CRADD: variants seen among roughly 807,000 people sequenced by gnomAD.
CRADD encodes death domain-containing protein CRADD.
CRADD carries 9 observed loss-of-function variants against 15.5 expected under a neutral mutation model. That is an observed-to-expected ratio of 0.58 (90% CI 0.35 to 1.01). CRADD has a LOEUF of 1.01. CRADD is among the 50% of genes least tolerant of loss of function. CRADD has a pLI of 0.02. For synonymous variants in CRADD, 118 were observed against 107.6 expected (o/e 1.10, Z -0.60); for missense variants, 227 against 250.3 (o/e 0.91, Z 0.63).
chr12:93,769,706 C>G (rs1227718365), intron 2 of CRADD, among the ~76,000 whole-genome samples: 4 of 152,122 alleles, frequency 2.6e-5, no homozygotes, highest in Non-Finnish European at 5.9e-5. Flanking sequence ...TTGTTATAGT[C>G]TCTTGTGATT....
chr12:93,863,397 A>G (rs978523032), intron 2 of CRADD, among the ~76,000 whole-genome samples: 4 of 152,166 alleles, frequency 2.6e-5, no homozygotes, highest in South Asian at 2.1e-4. Context: ...TGCCTCCCCA[A>G]CTAAGCTGCT....
chr12:93,877,065 T>A (rs1223058266), intron 2 of CRADD, among the ~76,000 whole-genome samples: 1 of 152,212 alleles, frequency 6.6e-6, no homozygotes, highest in Non-Finnish European at 1.5e-5. Flanking sequence ...TCTTGTAGAC[T>A]CATAGAAGTA....
intron 2 of CRADD, chr12:93,826,966 G>A (rs1957830994): frequency 6.6e-6 from 1 of 152,192 alleles, no homozygotes; most frequent in South Asian, 2.1e-4. Context: ...TGGCCATCCT[G>A]CAGTATTCTG....
intron 2 of CRADD, among the ~76,000 whole-genome samples, chr12:93,688,879 G>A (rs1203108515): frequency 6.6e-6 from 1 of 152,142 alleles, no homozygotes; most frequent in Non-Finnish European, 1.5e-5. Flanking sequence ...TTCTTCTTCA[G>A]AAACTCCCCT....
chr12:93,747,166 G>A lies in CRADD; in HGVS notation c.298+68094G>A, dbSNP rs75791874. Among the ~76,000 whole-genome samples the A allele has an allele frequency of 7.9e-3, 1,197 of 152,162 alleles. 25 individuals are homozygous for A. The highest frequency in any genetic ancestry group is 0.027 in the African/African-American group (1,133 of 41,502). ...ATGTAATGTTATTTTATGGAAAAAC[G>A]TATTGAATTCCTATTAAGGAAGCCA... is the stretch of plus-strand genomic sequence containing the variant. On this transcript the variant is annotated intron_variant, in intron 2 of 2. Coordinates refer to ENST00000332896, the MANE Select transcript of CRADD (RefSeq NM_003805.5).
intron 2 of CRADD, among the ~76,000 whole-genome samples, chr12:93,699,134 T>C (rs1160380449): frequency 6.6e-6 from 1 of 152,232 alleles, no homozygotes; most frequent in African/African-American, 2.4e-5. Context: ...GGTGCCTAAC[T>C]GAGTGCTGGA....
Position 93,766,880 on chromosome 12 carries a change from G to T in CRADD, c.299-83090G>T, listed in dbSNP as rs181589693. On this transcript the variant is annotated intron_variant, in intron 2 of 2. Coordinates refer to ENST00000332896, the MANE Select transcript of CRADD (RefSeq NM_003805.5). ...TGCCCAGAACACTGTAGAAGAAGAT[G>T]TGTTGATTAAAGGAATGAAACTTTC... Among the ~76,000 whole-genome samples, 7 of 152,338 alleles carry T rather than the reference G, an allele frequency of 4.6e-5. No homozygotes were observed. The East Asian group carries it at 1.4e-3, about 29-fold the overall frequency.
intron 2 of CRADD, among the ~76,000 whole-genome samples, chr12:93,813,665 G>A (rs1309272167): frequency 6.6e-6 from 1 of 152,102 alleles, no homozygotes; most frequent in African/African-American, 2.4e-5. Context: ...GAGGGCCTCG[G>A]TGGTCCAAGT....
At chr12:93,800,737 C>T (rs530771285) in intron 2 of CRADD, among the ~76,000 whole-genome samples, 1 of 152,280 alleles carries the variant, frequency 6.6e-6, no homozygotes, top group South Asian at 2.1e-4. Context: ...ATCTTTATAG[C>T]TGTGTGAGAA....
intron 2 of CRADD, among the ~76,000 whole-genome samples, chr12:93,804,707 T>G (rs1341323491): frequency 1.3e-5 from 2 of 151,976 alleles, no homozygotes; most frequent in African/African-American, 2.4e-5. Flanking sequence ...TCCTTCCAAT[T>G]TACACCAAGC....
At chr12:93,892,290 AT>A (rs1471453136) in intron 2 of CRADD, among the ~76,000 whole-genome samples, 1 of 152,134 alleles carries the variant, frequency 6.6e-6, no homozygotes, top group African/African-American at 2.4e-5. Flanking sequence ...TTCATCCTGG[AT>A]TTTTGACACC....
intron 2 of CRADD, among the ~76,000 whole-genome samples, chr12:93,759,417 G>C (rs1387201515): frequency 1.5e-5 from 2 of 129,552 alleles, no homozygotes; most frequent in South Asian, 6.3e-4. Flanking sequence ...GAACTAGCTC[G>C]AGAAAGGAAA....
chr12:93,810,629 T>C (rs1035792537), intron 2 of CRADD, among the ~76,000 whole-genome samples: 2 of 139,934 alleles, frequency 1.4e-5, no homozygotes, highest in African/African-American at 5.4e-5. Flanking sequence ...CAGAATGCAG[T>C]ATGGCTGATG....
intron 2 of CRADD, among the ~76,000 whole-genome samples, chr12:93,826,315 T>C (rs1957823200): frequency 6.6e-6 from 1 of 152,190 alleles, no homozygotes; most frequent in South Asian, 2.1e-4. Flanking sequence ...TTAACTGCAT[T>C]ATATAACAAA....
At position 93,850,100 on chromosome 12, in the gene CRADD, G is replaced by C. The variant is rs200632197; in HGVS notation, c.429G>C (p.Thr143=). The C allele has an allele frequency of 1.2e-6, 2 of 1,613,860 alleles. No homozygotes were observed. The highest frequency in any genetic ancestry group is 1.7e-5 in the Admixed American group (1 of 60,024). The change falls in exon 3 of 3, where the codon ACG becomes ACC. Residue 143 remains threonine (T), a synonymous_variant. Transcript: ENST00000332896. The surrounding 1 kb of genome is among the most constrained non-coding windows in gnomAD (Gnocchi z 4.0). ...PMVLSLGLSQ[T]DIYRCKANHP... is the part of the protein sequence containing the mutation. ...TGCTGTCTCTGGGACTGTCCCAGAC[G>C]GATATCTACCGCTGTAAGGCCAACC...
chr12:93,699,626 A>T (rs548220249), intron 2 of CRADD, among the ~76,000 whole-genome samples: 3 of 152,272 alleles, frequency 2.0e-5, no homozygotes, highest in East Asian at 3.9e-4. Flanking sequence ...ATCTTTTGTC[A>T]TTGAGACTCA....
intron 2 of CRADD, among the ~76,000 whole-genome samples, chr12:93,792,137 G>T (rs1957356475): frequency 6.6e-6 from 1 of 151,984 alleles, no homozygotes; most frequent in Non-Finnish European, 1.5e-5. Flanking sequence ...GCTGGAAGTG[G>T]AACATCCTAG....
At chr12:93,734,703 G>C (rs920608835) in intron 2 of CRADD, among the ~76,000 whole-genome samples, 14 of 152,100 alleles carry the variant, frequency 9.2e-5, no homozygotes, top group Non-Finnish European at 1.0e-4. Context: ...CCCTCGTATT[G>C]CCTGTCTTCT....
chr12:93,684,048 T>G (rs2136795745), intron 2 of CRADD, among the ~76,000 whole-genome samples: 1 of 152,304 alleles, frequency 6.6e-6, no homozygotes. Context: ...GGGCCCAGGT[T>G]TCTGTGTATA....
Sources: allele counts gnomAD v4.1 joint callset (sites outside exome capture counted in the v4.1 genomes callset), GRCh38; gene constraint gnomAD v4.1.1; non-coding constraint Gnocchi (gnomAD v3.1); transcripts MANE v1.5; gene names NCBI Gene and HGNC (gene_info 2026-07-23, HGNC 2026-07-21).